The following ALG6 variants were observed in gnomAD, a reference collection of about 807,000 sequenced individuals.
The protein encoded by ALG6 is ALG6 alpha-1,3-glucosyltransferase.
A neutral mutation model predicts 66.6 loss-of-function variants in ALG6; 46 were observed. The ratio of observed to expected loss-of-function variants is 0.69; its 90% confidence interval spans 0.55 to 0.88. ALG6 has a LOEUF of 0.88. Ranked by LOEUF, ALG6 falls within the 40% of genes least tolerant of loss-of-function variation. ALG6 has a pLI of 0.00. For missense variants in ALG6, 505 were observed against 586.8 expected (o/e 0.86, Z 1.44); for synonymous variants, 185 against 203.7 (o/e 0.91, Z 0.78).
chr1:63,436,371 C>G (rs1044620404), intron 14 of ALG6, among the ~76,000 whole-genome samples: 1 of 152,112 alleles, frequency 6.6e-6, no homozygotes, highest in Non-Finnish European at 1.5e-5. Context: ...AGCCTACTGA[C>G]CTGCCAAACA....
At position 63,404,473 on chromosome 1, in the gene ALG6, A is replaced by T; in HGVS notation, c.278A>T (p.Asp93Val). 1 of 1,613,692 alleles carries T rather than the reference A, an allele frequency of 6.2e-7. No homozygotes were observed. The highest frequency in any genetic ancestry group is 1.1e-5 in the South Asian group (1 of 91,074). ...CAYVAKFINP[D>V]WIALHTSRGY... Reference sequence around the variant, plus strand: ...TGCAGGGCAAAGTTTATAAATCCAGACTGGATTGCTCTCCATACATCACGT... The same window carrying T: ...TGCAGGGCAAAGTTTATAAATCCAGTCTGGATTGCTCTCCATACATCACGT... The change falls in exon 5 of 15, where the codon GAC (aspartate) becomes GTC (valine). Residue 93 changes from aspartate (D) to valine (V), a missense_variant. Coordinates refer to ENST00000263440, the MANE Select transcript of ALG6 (RefSeq NM_013339.4).
intron 12 of ALG6, among the ~76,000 whole-genome samples, chr1:63,423,578 C>T (rs1342620609): frequency 6.6e-6 from 1 of 152,140 alleles, no homozygotes; most frequent in Non-Finnish European, 1.5e-5. Flanking sequence ...TTTGTCTATT[C>T]TGGATATTTT....
intron 2 of ALG6, among the ~76,000 whole-genome samples, chr1:63,374,124 AG>A (rs1310116881): frequency 1.3e-5 from 2 of 152,204 alleles, no homozygotes; most frequent in African/African-American, 4.8e-5. Flanking sequence ...ATTCAAATAT[AG>A]TTGTATTTAA....
intron 14 of ALG6, among the ~76,000 whole-genome samples, chr1:63,430,994 C>G (rs1644642568): frequency 6.6e-6 from 1 of 151,970 alleles, no homozygotes; most frequent in African/African-American, 2.4e-5. Flanking sequence ...CCTGTATTTT[C>G]TTCTAAGAGT....
At chr1:63,367,742 C>G (rs980720181) in intron 1 of ALG6, 55 bp downstream of exon 1, 2 of 152,252 alleles carry the variant, frequency 1.3e-5, no homozygotes, top group Non-Finnish European at 2.9e-5. Context: ...GGGGAGGTGC[C>G]GGGGGCTCGG....
chr1:63,370,161 TAA>T (rs71244580), intron 1 of ALG6, among the ~76,000 whole-genome samples: 5 of 139,814 alleles, frequency 3.6e-5, no homozygotes, highest in Non-Finnish European at 3.1e-5. Flanking sequence ...AGGAAAACTG[TAA>T]AAAAAAAAAA....
chr1:63,391,888 G>T (rs1648683830), intron 2 of ALG6, among the ~76,000 whole-genome samples: 1 of 152,116 alleles, frequency 6.6e-6, no homozygotes, highest in Non-Finnish European at 1.5e-5. Flanking sequence ...GAAAAATTTT[G>T]ATTTTAGTAT....
intron 2 of ALG6, among the ~76,000 whole-genome samples, chr1:63,376,703 T>G (rs1648144133): frequency 6.6e-6 from 1 of 152,216 alleles, no homozygotes; most frequent in Admixed American, 6.5e-5. Flanking sequence ...ACTAATTCTT[T>G]GAAAAGCATT....
chr1:63,389,521 T>C (rs1648605092), intron 2 of ALG6, among the ~76,000 whole-genome samples: 1 of 152,202 alleles, frequency 6.6e-6, no homozygotes, highest in Non-Finnish European at 1.5e-5. Flanking sequence ...AAAACAGTTA[T>C]TTTGAATGCT....
At chr1:63,417,222 G>C (rs1024630470) in intron 11 of ALG6, among the ~76,000 whole-genome samples, 1 of 152,162 alleles carries the variant, frequency 6.6e-6, no homozygotes, top group African/African-American at 2.4e-5. Flanking sequence ...TATCTTCCAA[G>C]CTTGTGATAG....
intron 12 of ALG6, among the ~76,000 whole-genome samples, chr1:63,427,910 A>G (rs939214918): frequency 6.7e-5 from 10 of 149,834 alleles, no homozygotes; most frequent in African/African-American, 2.5e-4. Context: ...GGGTTCAAGC[A>G]GTTCTCCTGC....
intron 2 of ALG6, among the ~76,000 whole-genome samples, chr1:63,380,605 A>G (rs1049052729): frequency 1.3e-5 from 2 of 152,186 alleles, no homozygotes; most frequent in African/African-American, 2.4e-5. Flanking sequence ...TTTAAGGTGA[A>G]GTTGAAAAGA....
At chr1:63,424,036 G>T (rs1210543382) in intron 12 of ALG6, among the ~76,000 whole-genome samples, 2 of 152,146 alleles carry the variant, frequency 1.3e-5, no homozygotes, top group Non-Finnish European at 2.9e-5. Context: ...ATCTCATCGT[G>T]ATTCTGATTT....
intron 12 of ALG6, among the ~76,000 whole-genome samples, chr1:63,422,769 A>T (rs1412323134): frequency 6.6e-6 from 1 of 151,788 alleles, no homozygotes; most frequent in East Asian, 2.0e-4. Flanking sequence ...CAGCCTGACC[A>T]ATATGGAGAA....
chr1:63,437,815 TA>T lies in ALG6; in HGVS notation c.*796del, dbSNP rs1034513785. 1.4e-5 allele frequency: 2 copies of T among 145,946 alleles called. No individual in the cohort carries two copies. The highest frequency in any genetic ancestry group is 5.1e-5 in the African/African-American group (2 of 38,846). The allele number at this position is 145,946 out of a possible 1,614,324, so 9.0% of individuals were successfully genotyped here. ...CATTCTGTTTAATTAAACATTATAT[TA>T]TATATATATTATTATTGACATGGTT... On this transcript the variant is annotated 3_prime_UTR_variant, in exon 15 of 15. Transcript: ENST00000263440.
At chr1:63,382,466 G>A (rs1221745093) in intron 2 of ALG6, among the ~76,000 whole-genome samples, 1 of 151,408 alleles carries the variant, frequency 6.6e-6, no homozygotes, top group Admixed American at 6.6e-5. Flanking sequence ...GCGCCCAGCT[G>A]ATTATTTATT....
intron 13 of ALG6, 59 bp downstream of exon 13, chr1:63,428,860 T>G: frequency 1.9e-6 from 3 of 1,587,816 alleles, no homozygotes; most frequent in Non-Finnish European, 2.6e-6. Flanking sequence ...AATTTAAAAC[T>G]TTTTTATGAA....
intron 1 of ALG6, among the ~76,000 whole-genome samples, chr1:63,368,332 C>G (rs1250444421): frequency 1.3e-5 from 2 of 152,136 alleles, no homozygotes; most frequent in Middle Eastern, 3.2e-3. Context: ...GGTACCTCCC[C>G]GCTTCGTACA....
chr1:63,424,661 A>G (rs1255103619), intron 12 of ALG6, among the ~76,000 whole-genome samples: 2 of 151,782 alleles, frequency 1.3e-5, no homozygotes, highest in African/African-American at 4.8e-5. Flanking sequence ...CTTTTGATAT[A>G]TATCTAAGAA....
Sources: allele counts gnomAD v4.1 joint callset (sites outside exome capture counted in the v4.1 genomes callset), GRCh38; gene constraint gnomAD v4.1.1; transcripts MANE v1.5; gene names NCBI Gene and HGNC (gene_info 2026-07-23, HGNC 2026-07-21).